KCNIP4: variants seen among roughly 807,000 people sequenced by gnomAD.
The protein encoded by KCNIP4 is potassium voltage-gated channel interacting protein 4.
In KCNIP4, 12 loss-of-function variants were observed where a neutral mutation model predicts 34.0. The ratio of observed to expected loss-of-function variants is 0.35; its 90% CI spans 0.23 to 0.57. The LOEUF (loss-of-function observed/expected upper bound fraction) is 0.57. KCNIP4 is among the 20% of genes least tolerant of loss of function. KCNIP4 has a pLI of 0.83. For synonymous variants in KCNIP4, 124 were observed against 102.2 expected, an observed-to-expected ratio of 1.21 and a Z score of -1.29; for missense variants, 238 against 311.7, an observed-to-expected ratio of 0.76 and a Z score of 1.78.
chr4:20,947,064 A>G (rs750275224), intron 1 of KCNIP4, among the ~76,000 whole-genome samples: 10 of 151,990 alleles, frequency 6.6e-5, no homozygotes, highest in Non-Finnish European at 1.2e-4. Context: ...TTGCTCCCCT[A>G]AGCTCCCCTT....
chr4:21,519,753 G>GTATA (rs1560481155), intron 1 of KCNIP4, among the ~76,000 whole-genome samples: 11 of 139,406 alleles, frequency 7.9e-5, no homozygotes, highest in African/African-American at 2.2e-4. Flanking sequence ...ACACACGTGT[G>GTATA]TGTATGTATG....
chr4:21,704,861 A>T (rs1198156129), intron 1 of KCNIP4, among the ~76,000 whole-genome samples: 1 of 152,078 alleles, frequency 6.6e-6, no homozygotes, highest in African/African-American at 2.4e-5. Context: ...ATTGTACTCC[A>T]GAGCATTTAT....
intron 1 of KCNIP4, among the ~76,000 whole-genome samples, chr4:21,492,366 G>T (rs1348979169): frequency 3.3e-5 from 5 of 152,052 alleles, no homozygotes; most frequent in African/African-American, 7.2e-5. Context: ...CTACAGACAT[G>T]TATCACCATG....
intron 1 of KCNIP4, among the ~76,000 whole-genome samples, chr4:21,247,954 C>CAT (rs1157125967): frequency 1.8e-4 from 23 of 131,380 alleles, no homozygotes; most frequent in African/African-American, 6.9e-4. Flanking sequence ...TATACACACA[C>CAT]ATATATATAT....
chr4:21,642,631 G>C (rs1746695980), intron 1 of KCNIP4, among the ~76,000 whole-genome samples: 1 of 152,008 alleles, frequency 6.6e-6, no homozygotes, highest in Non-Finnish European at 1.5e-5. Flanking sequence ...CTTACGCTCT[G>C]CTTGTTCAGA....
At chr4:20,765,886 A>C (rs1354421016) in intron 3 of KCNIP4, among the ~76,000 whole-genome samples, 1 of 152,204 alleles carries the variant, frequency 6.6e-6, no homozygotes. Context: ...CTCTCAGGCC[A>C]TGTGGGGACA....
At chr4:21,088,195 TTA>T (rs200410530) in intron 1 of KCNIP4, among the ~76,000 whole-genome samples, 2,969 of 152,238 alleles carry the variant, frequency 0.02, 55 homozygotes, top group Non-Finnish European at 0.026. Flanking sequence ...AATGGAAATC[TTA>T]TATGATTTCT....
intron 1 of KCNIP4, among the ~76,000 whole-genome samples, chr4:21,102,103 G>C (rs1747997639): frequency 6.6e-6 from 1 of 152,142 alleles, no homozygotes; most frequent in Non-Finnish European, 1.5e-5. Context: ...ATCTCCAGAA[G>C]GGAAGGTGAC....
At position 21,192,607 on chromosome 4, in the gene KCNIP4, A is replaced by G. The variant is rs1205526155; in HGVS notation, c.62-309898T>C. ...ACTAACCAGATTAGGCTTTATCCTC[A>G]TATCTTTGAAAACATAAGTTCCATA... On this transcript the variant is annotated intron_variant, in intron 1 of 8. Transcript: ENST00000382152. Among the ~76,000 whole-genome samples the G allele has an allele frequency of 3.9e-5, 6 of 152,156 alleles. No individual in the cohort carries two copies. In the East Asian group the frequency reaches 9.6e-4, roughly 24 times the overall value.
intron 1 of KCNIP4, among the ~76,000 whole-genome samples, chr4:21,734,581 T>C (rs1560674894): frequency 6.6e-6 from 1 of 152,194 alleles, no homozygotes; most frequent in Non-Finnish European, 1.5e-5. Context: ...TTTTGACCAA[T>C]ACTGTGCTGT....
At chr4:21,187,925 A>G (rs1755361381) in intron 1 of KCNIP4, among the ~76,000 whole-genome samples, 1 of 152,198 alleles carries the variant, frequency 6.6e-6, no homozygotes, top group South Asian at 2.1e-4. Context: ...TAACTTTGGG[A>G]AAGTCACTCA....
At chr4:21,370,825 A>G in intron 1 of KCNIP4, among the ~76,000 whole-genome samples, 1 of 30,460 alleles carries the variant, frequency 3.3e-5, no homozygotes, top group African/African-American at 2.0e-4. Context: ...ATATATATAT[A>G]TATATATATA....
intron 1 of KCNIP4, among the ~76,000 whole-genome samples, chr4:21,305,870 C>CT (rs1712409207): frequency 6.6e-6 from 1 of 152,184 alleles, no homozygotes. Context: ...TCAAATCTCT[C>CT]TTTTTTGTGT....
intron 1 of KCNIP4, among the ~76,000 whole-genome samples, chr4:21,361,821 T>G (rs554235408): frequency 1.3e-5 from 2 of 152,202 alleles, no homozygotes; most frequent in South Asian, 2.1e-4. Context: ...ATATTCTACG[T>G]TGCACTTATC....
chr4:21,570,263 A>G (rs548497894), intron 1 of KCNIP4, among the ~76,000 whole-genome samples: 1 of 152,296 alleles, frequency 6.6e-6, no homozygotes, highest in South Asian at 2.1e-4. Flanking sequence ...AATAGCCAAC[A>G]GGTAAAAGAG....
intron 1 of KCNIP4, among the ~76,000 whole-genome samples, chr4:21,495,054 A>G (rs1450297699): frequency 6.6e-6 from 1 of 152,096 alleles, no homozygotes; most frequent in Non-Finnish European, 1.5e-5. Flanking sequence ...CAATCTATAT[A>G]TTTTTAAAAG....
In KCNIP4 at chr4:21,948,694, C is replaced by T; in HGVS notation, c.-63G>A. The T allele has an allele frequency of 1.3e-6, 2 of 1,537,920 alleles. No individual in the cohort carries two copies. The highest frequency in any genetic ancestry group is 1.8e-6 in the Non-Finnish European group (2 of 1,135,030). On this transcript the variant is annotated 5_prime_UTR_variant, in exon 1 of 9. The change creates a new upstream start codon in the 5' untranslated region. Transcript: ENST00000382152. ...TCCACCGGCCAGGGGCGTCTGTCCA[C>T]GGGTCTGCACGGGAGCGCACCGCCG...
At chr4:21,517,883 A>G (rs1734893999) in intron 1 of KCNIP4, among the ~76,000 whole-genome samples, 1 of 152,156 alleles carries the variant, frequency 6.6e-6, no homozygotes, top group African/African-American at 2.4e-5. Flanking sequence ...GACCTAAACT[A>G]GGAAACTTCT....
chr4:21,677,728 A>T (rs1750018588), intron 1 of KCNIP4, among the ~76,000 whole-genome samples: 2 of 152,118 alleles, frequency 1.3e-5, no homozygotes, highest in Admixed American at 1.3e-4. Flanking sequence ...CCCTAGTCAC[A>T]GCCACCACTC....
Sources: gnomAD v4.1 joint callset for allele counts (sites outside exome capture counted in the v4.1 genomes callset) on GRCh38, gnomAD v4.1.1 for gene constraint, MANE v1.5 for transcripts, NCBI Gene and HGNC (gene_info 2026-07-23, HGNC 2026-07-21) for gene names.